Variants in TIGAR observed in about 807,000 individuals in gnomAD.
TIGAR encodes fructose-2,6-bisphosphatase TIGAR.
TIGAR carries 7 observed loss-of-function variants against 17.9 expected under a neutral mutation model. The ratio of observed to expected loss-of-function variants is 0.39; its 90% CI spans 0.22 to 0.73. The LOEUF is 0.73. Among genes scored for constraint, TIGAR ranks in the 30% least tolerant of loss-of-function variants. The pLI, the probability that TIGAR is intolerant of heterozygous loss-of-function variation, is 0.42. For missense variants in TIGAR, 258 were observed against 327.4 expected, an observed-to-expected ratio of 0.79 and a Z score of 1.64; for synonymous variants, 94 against 108.6, an observed-to-expected ratio of 0.87 and a Z score of 0.84.
chr12:4,331,394 G>A, intron 2 of TIGAR, 77 bp downstream of exon 2: 1 of 1,424,902 alleles, frequency 7.0e-7, no homozygotes, highest in Non-Finnish European at 9.9e-7. Flanking sequence ...ATTTGGTGGG[G>A]TGGGGTAGAC....
rs1457198048 is a variant in TIGAR at position 4,352,744 on chromosome 12, T to A, written c.*53T>A. 2 of 1,512,986 alleles carry A rather than the reference T, an allele frequency of 1.3e-6. No individual in the cohort carries two copies. The highest frequency in any genetic ancestry group is 1.8e-6 in the Non-Finnish European group (2 of 1,129,530). 93.7% of individuals were successfully genotyped at this position (1,512,986 alleles called of 1,614,324 possible). On this transcript the variant is annotated 3_prime_UTR_variant, in exon 6 of 6. Transcript: ENST00000179259. ...TTTTGAGCCTCTGAAGGGAGTGCCA[T>A]TGGCTTTATTTACTTCTCTCCTCTG...
intron 3 of TIGAR, among the ~76,000 whole-genome samples, chr12:4,341,888 A>T (rs1228724285): frequency 6.6e-6 from 1 of 152,270 alleles, no homozygotes; most frequent in Non-Finnish European, 1.5e-5. Flanking sequence ...TGGACGGAGA[A>T]TGACTTTGAC....
rs10849045 is a variant in TIGAR at position 4,358,317 on chromosome 12, A to G, written c.*5626A>G. 0.66 allele frequency among the ~76,000 whole-genome samples: 99,566 copies of G among 150,938 alleles called. 32,908 individuals carry two copies. Among genetic ancestry groups the G allele is most frequent in the South Asian group, 0.73 (3,517 of 4,798 alleles). On this transcript the variant is annotated 3_prime_UTR_variant, in exon 6 of 6. Coordinates refer to ENST00000179259, the MANE Select transcript of TIGAR (RefSeq NM_020375.3). ...AAAAAAAAAAAGAAAAAGAAAAATC[A>G]CTGAGCTACTGTATCCTCATAGAGA...
intron 3 of TIGAR, among the ~76,000 whole-genome samples, chr12:4,346,612 G>A (rs1418580790): frequency 1.3e-5 from 2 of 152,062 alleles, no homozygotes; most frequent in Non-Finnish European, 2.9e-5. Context: ...TTGTGGGATG[G>A]GGGGACGGGG....
intron 3 of TIGAR, among the ~76,000 whole-genome samples, chr12:4,344,826 G>T (rs1274730429): frequency 2.0e-5 from 3 of 152,168 alleles, no homozygotes; most frequent in Non-Finnish European, 4.4e-5. Flanking sequence ...AAGCCAAATT[G>T]TCCCTGTTTG....
intron 1 of TIGAR, among the ~76,000 whole-genome samples, chr12:4,329,046 A>G (rs1864576738): frequency 6.6e-6 from 1 of 152,146 alleles, no homozygotes; most frequent in African/African-American, 2.4e-5. Context: ...GTGCAGATCC[A>G]GATGTTTATT....
At chr12:4,333,774 A>G (rs949211598) in intron 2 of TIGAR, among the ~76,000 whole-genome samples, 6 of 151,822 alleles carry the variant, frequency 4.0e-5, no homozygotes, top group Non-Finnish European at 2.9e-5. Flanking sequence ...TAATTTTTGT[A>G]TTTTTAGTAG....
chr12:4,343,637 C>T (rs1160638650), intron 3 of TIGAR, among the ~76,000 whole-genome samples: 2 of 152,154 alleles, frequency 1.3e-5, no homozygotes, highest in Non-Finnish European at 2.9e-5. Context: ...CTACTGGGTA[C>T]ATAACGAAAT....
chr12:4,351,395 T>C lies in TIGAR; in HGVS notation c.381+18T>C. 6.2e-7 allele frequency: 1 copy of C among 1,600,666 alleles called. No individual in the cohort carries two copies. Among genetic ancestry groups the C allele is most frequent in the Non-Finnish European group, 8.6e-7 (1 of 1,168,638 alleles). Reference sequence around the variant, plus strand: ...TGGACCAGGTATGTGGCGCTGCCGATGTCAGAATGGTTGAATTAAGACTCA... The same window carrying C: ...TGGACCAGGTATGTGGCGCTGCCGACGTCAGAATGGTTGAATTAAGACTCA... On this transcript the variant is annotated intron_variant, in intron 5 of 5. Transcript: ENST00000179259.
At position 4,329,899 on chromosome 12, in the gene TIGAR, A is replaced by C. The variant is rs76545939; in HGVS notation, c.33-1381A>C. On this transcript the variant is annotated intron_variant, in intron 1 of 5. Coordinates refer to ENST00000179259, the MANE Select transcript of TIGAR (RefSeq NM_020375.3). Reference sequence around the variant, plus strand: ...AAAAAGTCAATTAGCACACAGATGAAAACTTATGTTGGTAGTGCCAGGGGA... The same window carrying C: ...AAAAAGTCAATTAGCACACAGATGACAACTTATGTTGGTAGTGCCAGGGGA... Among the ~76,000 whole-genome samples the C allele has an allele frequency of 9.4e-3, 1,435 of 152,194 alleles. 23 individuals carry two copies. Among genetic ancestry groups the C allele is most frequent in the East Asian group, 0.042 (218 of 5,172 alleles).
At chr12:4,331,373 G>A in intron 2 of TIGAR, 56 bp downstream of exon 2, 2 of 1,550,448 alleles carry the variant, frequency 1.3e-6, no homozygotes, top group Non-Finnish European at 1.8e-6. Context: ...TAAGATGTGT[G>A]AGTTAAGCAG....
intron 3 of TIGAR, among the ~76,000 whole-genome samples, chr12:4,347,137 GAA>G (rs1864790092): frequency 6.6e-6 from 1 of 152,158 alleles, no homozygotes; most frequent in African/African-American, 2.4e-5. Context: ...CCAAGATTTG[GAA>G]ATAATCCAAA....
At chr12:4,336,910 C>T (rs749947980) in intron 2 of TIGAR, 129 bp from the exon 3 acceptor site, 29 of 1,082,440 alleles carry the variant, frequency 2.7e-5, no homozygotes, top group Middle Eastern at 2.9e-4. Context: ...TGAAAAGTTA[C>T]GTGGAAGAGT....
chr12:4,346,175 A>C (rs1864777991), intron 3 of TIGAR, among the ~76,000 whole-genome samples: 1 of 152,240 alleles, frequency 6.6e-6, no homozygotes, highest in Non-Finnish European at 1.5e-5. Flanking sequence ...AAACAAGTTC[A>C]ACCATTGTGG....
At chr12:4,325,150 C>A (rs1864530083) in intron 1 of TIGAR, among the ~76,000 whole-genome samples, 1 of 152,078 alleles carries the variant, frequency 6.6e-6, no homozygotes, top group East Asian at 1.9e-4. Context: ...CCATTTTGGT[C>A]AGGCTGGTCT....
intron 1 of TIGAR, among the ~76,000 whole-genome samples, chr12:4,330,184 C>T (rs1864589432): frequency 6.6e-6 from 1 of 152,120 alleles, no homozygotes; most frequent in Non-Finnish European, 1.5e-5. Flanking sequence ...CTGAGTAAAT[C>T]AGTCCTATGT....
At chr12:4,331,202 C>A in intron 1 of TIGAR, 78 bp from the exon 2 acceptor site, 1 of 1,286,252 alleles carries the variant, frequency 7.8e-7, no homozygotes, top group Non-Finnish European at 1.1e-6. Flanking sequence ...TATCACCACA[C>A]TTGATTGCTC....
At chr12:4,324,879 C>A (rs1280874446) in intron 1 of TIGAR, 2 of 435,470 alleles carry the variant, frequency 4.6e-6, no homozygotes, top group Non-Finnish European at 4.1e-6. Flanking sequence ...AATTTTTTGG[C>A]AAACTAAATT....
chr12:4,341,986 GAA>G (rs1864728413), intron 3 of TIGAR, among the ~76,000 whole-genome samples: 1 of 152,102 alleles, frequency 6.6e-6, no homozygotes, highest in South Asian at 2.1e-4. Flanking sequence ...TAAAAACCTT[GAA>G]AAAAGATCAG....
Sources: gnomAD v4.1 joint callset for allele counts (sites outside exome capture counted in the v4.1 genomes callset) on GRCh38, gnomAD v4.1.1 for gene constraint, MANE v1.5 for transcripts, NCBI Gene and HGNC (gene_info 2026-07-23, HGNC 2026-07-21) for gene names.